Variants in ATXN2 observed in about 807,000 individuals in gnomAD.
The protein encoded by ATXN2 is ataxin 2.
Under a neutral mutation model 138.6 loss-of-function variants are expected in ATXN2, and 37 were observed. That is an observed-to-expected ratio of 0.27 (90% CI 0.21 to 0.35). The LOEUF (loss-of-function observed/expected upper bound fraction) is 0.35, where lower values mean the gene tolerates loss of function less well. Ranked by LOEUF, ATXN2 falls within the 10% of genes least tolerant of loss-of-function variation. The pLI, the probability that ATXN2 is intolerant of heterozygous loss-of-function variation, is 1.00. For synonymous variants in ATXN2, 549 were observed against 543.7 expected (o/e 1.01, Z -0.13); for missense variants, 1,216 against 1,480.3 (o/e 0.82, Z 2.93).
At chr12:111,480,091 A>G (rs1877121879) in intron 18 of ATXN2, among the ~76,000 whole-genome samples, 3 of 151,966 alleles carry the variant, frequency 2.0e-5, no homozygotes, top group African/African-American at 7.2e-5. Context: ...AAGGCAGATT[A>G]CTGGTTAACT....
At chr12:111,535,676 T>C (rs1881118527) in intron 5 of ATXN2, among the ~76,000 whole-genome samples, 1 of 151,124 alleles carries the variant, frequency 6.6e-6, no homozygotes, top group South Asian at 2.1e-4. Flanking sequence ...ACACAGAACA[T>C]GCCAGCTTAG....
intron 21 of ATXN2, among the ~76,000 whole-genome samples, chr12:111,459,327 T>G (rs1593094155): frequency 6.6e-6 from 1 of 152,212 alleles, no homozygotes; most frequent in Non-Finnish European, 1.5e-5. Flanking sequence ...CTCATTAAGT[T>G]TACTTCCAGC....
intron 14 of ATXN2, among the ~76,000 whole-genome samples, chr12:111,494,433 T>A (rs1878272091): frequency 6.6e-6 from 1 of 150,922 alleles, no homozygotes; most frequent in East Asian, 1.9e-4. Context: ...CTCTTTTTTT[T>A]TTTTTTTTTT....
intron 18 of ATXN2, among the ~76,000 whole-genome samples, chr12:111,474,852 G>C (rs11065917): frequency 0.1 from 15,534 of 152,030 alleles, 2,658 homozygotes; most frequent in African/African-American, 0.35. Flanking sequence ...GGGAGGCCGA[G>C]GCGGGTGGAT....
At chr12:111,562,071 A>G (rs1592903438) in intron 1 of ATXN2, among the ~76,000 whole-genome samples, 1 of 151,766 alleles carries the variant, frequency 6.6e-6, no homozygotes, top group East Asian at 2.0e-4. Flanking sequence ...TCGGCCTTCC[A>G]AAGTGCTGGG....
At chr12:111,597,156 AG>A (rs532335360) in intron 1 of ATXN2, among the ~76,000 whole-genome samples, 1 of 17,870 alleles carries the variant, frequency 5.6e-5, no homozygotes, top group African/African-American at 2.1e-4. Context: ...GAGAAGGGGA[AG>A]GGGGGGCGGG....
At chr12:111,535,372 C>T (rs776512796) in intron 5 of ATXN2, among the ~76,000 whole-genome samples, 8 of 152,266 alleles carry the variant, frequency 5.3e-5, no homozygotes, top group Non-Finnish European at 1.2e-4. Flanking sequence ...CGCCTGTAAT[C>T]CCAGCAATTT....
At chr12:111,532,824 GTCA>G (rs1349509940) in intron 5 of ATXN2, among the ~76,000 whole-genome samples, 1 of 148,798 alleles carries the variant, frequency 6.7e-6, no homozygotes, top group Non-Finnish European at 1.5e-5. Context: ...GGAAGGAGTG[GTCA>G]TCAAGGCTGC....
intron 5 of ATXN2, among the ~76,000 whole-genome samples, chr12:111,545,685 G>A (rs1051543367): frequency 7.2e-5 from 11 of 152,036 alleles, no homozygotes; most frequent in African/African-American, 7.2e-5. Context: ...TAATGAGGCC[G>A]GGTGCGGTGA....
chr12:111,484,562 T>C (rs184947125), intron 18 of ATXN2, among the ~76,000 whole-genome samples: 50 of 152,154 alleles, frequency 3.3e-4, no homozygotes, highest in Non-Finnish European at 5.6e-4. Flanking sequence ...CCCCACCTAG[T>C]AGCTGGGATT....
chr12:111,485,612 C>T (rs765193216), intron 17 of ATXN2, 101 bp downstream of exon 17: 119 of 1,403,686 alleles, frequency 8.5e-5, no homozygotes, highest in Non-Finnish European at 1.2e-4. Context: ...AATGCATATG[C>T]ATAACCATCA....
In ATXN2 at chr12:111,598,943, G is replaced by C. The variant is rs1340937576; in HGVS notation, c.92C>G (p.Pro31Arg). The C allele has an allele frequency of 2.4e-5, 34 of 1,427,830 alleles. No homozygotes were observed. The highest frequency in any genetic ancestry group is 3.0e-5 in the Non-Finnish European group (33 of 1,094,578). The allele number at this position is 1,427,830 out of a possible 1,614,324, so 88.4% of individuals were successfully genotyped here. ...QQQQQQQQPPPAAANVRKPGG... is the reference protein window; with the variant it reads ...QQQQQQQQPPRAAANVRKPGG... ...GGGCTTGCGGACATTGGCAGCCGCGGGCGGCGGCTGCTGCTGCTGCTGCTG... is the reference window on the plus strand; with the variant it reads ...GGGCTTGCGGACATTGGCAGCCGCGCGCGGCGGCTGCTGCTGCTGCTGCTG... Residue 31 changes from proline (P) to arginine (R), a missense_variant, in exon 1 of 25, where the codon CCC (proline) becomes CGC (arginine). By Grantham distance (103) the Pro-to-Arg change is moderately radical. Coordinates refer to ENST00000673436, the MANE Select transcript of ATXN2 (RefSeq NM_001372574.1). The surrounding 1 kb of genome is among the most constrained non-coding windows in gnomAD (Gnocchi z 4.5).
chr12:111,598,955 T>G lies in ATXN2; in HGVS notation c.80A>C (p.Gln27Pro), dbSNP rs753115053. The G allele has an allele frequency of 2.8e-4, 195 of 700,382 alleles. 1 individual carries two copies. The East Asian group carries it at 7.2e-3, about 26-fold the overall frequency. The allele number at this position is 700,382 out of a possible 1,614,324, so 43.4% of individuals were successfully genotyped here. A position where few individuals can be genotyped will look rare whatever the true frequency, so the allele number is the denominator to read the frequency against. The part of the protein sequence containing the change: ...QQQQQQQQQQ[Q>P]QPPPAAANVR... ...ATTGGCAGCCGCGGGCGGCGGCTGCTGCTGCTGCTGCTGCTGCTGCTGTTG... is the reference window on the plus strand; with the variant it reads ...ATTGGCAGCCGCGGGCGGCGGCTGCGGCTGCTGCTGCTGCTGCTGCTGTTG... The change falls in exon 1 of 25, where the codon CAG becomes CCG. Residue 27 changes from glutamine to proline, a missense_variant. Physicochemically the swap from Gln to Pro is moderately conservative, Grantham distance 76. Transcript: ENST00000673436. This position sits in a 1 kb window ranked among gnomAD's most constrained non-coding sequence, Gnocchi z 4.5.
At chr12:111,487,119 C>T (rs113633255) in intron 15 of ATXN2, among the ~76,000 whole-genome samples, 7 of 152,174 alleles carry the variant, frequency 4.6e-5, no homozygotes, top group African/African-American at 1.2e-4. Context: ...CACTCTGTTG[C>T]TCAGGTTGGA....
Position 111,453,563 on chromosome 12 carries a change from G to A in ATXN2, c.3439+114C>T. The stretch of plus-strand genomic sequence containing the variant: ...TCCCTCCTGTGCACACTCCTGGACG[G>A]GTCTTGCTAGTTCTCAAATGCGGGG... On this transcript the variant is annotated intron_variant, in intron 24 of 24. Coordinates refer to ENST00000673436, the MANE Select transcript of ATXN2 (RefSeq NM_001372574.1). The surrounding 1 kb of genome is among the most constrained non-coding windows in gnomAD (Gnocchi z 5.4). The A allele has an allele frequency of 6.9e-7, 1 of 1,446,648 alleles. No individual in the cohort carries two copies. The highest frequency in any genetic ancestry group is 2.7e-5 in the Admixed American group (1 of 36,700). 89.6% of individuals were successfully genotyped at this position (1,446,648 alleles called of 1,614,324 possible).
chr12:111,561,494 C>G (rs1882685452), intron 1 of ATXN2, among the ~76,000 whole-genome samples: 1 of 152,012 alleles, frequency 6.6e-6, no homozygotes, highest in Admixed American at 6.6e-5. Flanking sequence ...GAGCAAACCT[C>G]CGTCTCAAAG....
intron 15 of ATXN2, among the ~76,000 whole-genome samples, chr12:111,487,940 TC>T (rs1430181143): frequency 6.6e-6 from 1 of 152,152 alleles, no homozygotes; most frequent in African/African-American, 2.4e-5. Context: ...AACACCTAAG[TC>T]AATGGTAGTT....
chr12:111,464,540 T>G (rs1056794916), intron 21 of ATXN2, 122 bp downstream of exon 21: 1 of 632,472 alleles, frequency 1.6e-6, no homozygotes, highest in Non-Finnish European at 2.6e-6. Flanking sequence ...TATATATAAG[T>G]ACTTTCAATA....
In ATXN2 at chr12:111,594,341, C is replaced by T. The variant is rs112867136; in HGVS notation, c.251+4443G>A. Among the ~76,000 whole-genome samples the T allele has an allele frequency of 9.1e-3, 1,361 of 150,200 alleles. 11 individuals are homozygous for T. Among genetic ancestry groups the T allele is most frequent in the Non-Finnish European group, 0.016 (1,067 of 67,876 alleles). ...TGAACAACTACATTAAATCACAGCA[C>T]ATTTTTTTTTTTTTTGAGATAGAGT... On this transcript the variant is annotated intron_variant, in intron 1 of 24. Transcript: ENST00000673436.
Sources: gnomAD v4.1 joint callset for allele counts (sites outside exome capture counted in the v4.1 genomes callset) on GRCh38, gnomAD v4.1.1 for gene constraint, Gnocchi (gnomAD v3.1) non-coding constraint, MANE v1.5 for transcripts, NCBI Gene and HGNC (gene_info 2026-07-23, HGNC 2026-07-21) for gene names.